Variants in OR51B5 observed in about 807,000 individuals in gnomAD.
OR51B5 encodes the protein olfactory receptor 51B5.
For missense variants in OR51B5, 456 were observed against 374.6 expected, an observed-to-expected ratio of 1.22 and a Z score of -1.79; for synonymous variants, 186 against 144.8, an observed-to-expected ratio of 1.28 and a Z score of -2.04.
intron 1 of OR51B5, chr11:5,391,018 C>T (rs182025024): frequency 1.4e-4 from 21 of 152,398 alleles, no homozygotes; most frequent in Admixed American, 1.2e-3. Context: ...CTCCTCTCAT[C>T]TCTGATTTTA....
chr11:5,471,102 CT>C (rs1289807261), intron 1 of OR51B5, among the ~76,000 whole-genome samples: 1 of 152,188 alleles, frequency 6.6e-6, no homozygotes, highest in African/African-American at 2.4e-5. Context: ...ATTTTGGCTG[CT>C]GTACATACTC....
At chr11:5,403,650 C>T in intron 1 of OR51B5, 2 of 383,700 alleles carry the variant, frequency 5.2e-6, no homozygotes, top group East Asian at 1.5e-4. Context: ...CACCTTAAAA[C>T]ATGGCGTCTA....
downstream of OR51B5, among the ~76,000 whole-genome samples, chr11:5,341,651 A>G (rs960340425): frequency 6.6e-6 from 1 of 152,172 alleles, no homozygotes. Flanking sequence ...CACTTATTAC[A>G]TGGAATCAGA....
chr11:5,379,482 T>A (rs1391313049), intron 1 of OR51B5, among the ~76,000 whole-genome samples: 3 of 141,666 alleles, frequency 2.1e-5, no homozygotes, highest in Non-Finnish European at 4.7e-5. Flanking sequence ...ATAAAATAAA[T>A]AAAAAAATAA....
At chr11:5,356,411 A>C (rs1182075684) in intron 1 of OR51B5, among the ~76,000 whole-genome samples, 3 of 151,388 alleles carry the variant, frequency 2.0e-5, no homozygotes, top group Admixed American at 6.6e-5. Context: ...TGAAGCAAGA[A>C]GAGAAGTTTA....
chr11:5,377,862 A>G (rs539984253), intron 1 of OR51B5, among the ~76,000 whole-genome samples: 2 of 152,302 alleles, frequency 1.3e-5, no homozygotes, highest in South Asian at 2.1e-4. Context: ...GGAAGAATCA[A>G]TATCATCAAA....
intron 1 of OR51B5, among the ~76,000 whole-genome samples, chr11:5,486,772 C>G (rs921229418): frequency 5.3e-5 from 8 of 152,152 alleles, no homozygotes; most frequent in African/African-American, 1.9e-4. Flanking sequence ...TTTGTTTGCT[C>G]TGTATCTTTT....
At chr11:5,469,748 G>C (rs572736025) in intron 1 of OR51B5, among the ~76,000 whole-genome samples, 15 of 152,244 alleles carry the variant, frequency 9.9e-5, no homozygotes, top group Non-Finnish European at 1.8e-4. Context: ...GGTGAAAAAT[G>C]ATTTCCCCTT....
chr11:5,441,518 G>A (rs1393348134), intron 1 of OR51B5: 9 of 1,606,894 alleles, frequency 5.6e-6, no homozygotes, highest in Non-Finnish European at 7.6e-6. Context: ...CCAGCATGGT[G>A]GGAGAATATA....
chr11:5,493,459 TAAAG>T (rs1174951577), intron 1 of OR51B5, among the ~76,000 whole-genome samples: 1 of 152,116 alleles, frequency 6.6e-6, no homozygotes, highest in African/African-American at 2.4e-5. Context: ...CTCAGATAAA[TAAAG>T]AATTATCTCA....
chr11:5,473,395 G>T (rs1442103630), intron 1 of OR51B5, among the ~76,000 whole-genome samples: 2 of 152,040 alleles, frequency 1.3e-5, no homozygotes, highest in Non-Finnish European at 2.9e-5. Flanking sequence ...GGCTTTAAGG[G>T]GTAAGAAGCT....
At chr11:5,445,220 A>G (rs1287053173) in intron 1 of OR51B5, among the ~76,000 whole-genome samples, 1 of 152,202 alleles carries the variant, frequency 6.6e-6, no homozygotes, top group African/African-American at 2.4e-5. Flanking sequence ...AGAAATGATC[A>G]AATATGTTTT....
chr11:5,352,559 G>A (rs1413321748), intron 1 of OR51B5: 10 of 670,550 alleles, frequency 1.5e-5, no homozygotes, highest in Non-Finnish European at 2.3e-5. Flanking sequence ...CAATCCCTGA[G>A]CATTTCAGTG....
intron 1 of OR51B5, chr11:5,454,362 T>C (rs748123650): frequency 1.9e-6 from 3 of 1,613,924 alleles, no homozygotes; most frequent in Admixed American, 3.3e-5. Context: ...CCCTCTCATT[T>C]ATAGCGCCAA....
chr11:5,404,504 A>C (rs1017172934), intron 1 of OR51B5, among the ~76,000 whole-genome samples: 12 of 151,588 alleles, frequency 7.9e-5, no homozygotes, highest in African/African-American at 2.9e-4. Context: ...TGTAAAATGG[A>C]CCAATCAGCA....
upstream of OR51B5, among the ~76,000 whole-genome samples, chr11:5,345,091 C>A (rs375108569): frequency 2.0e-5 from 3 of 152,276 alleles, no homozygotes; most frequent in East Asian, 3.9e-4. Flanking sequence ...AGGTAGTAAT[C>A]AAGTGTCATA....
intron 1 of OR51B5, among the ~76,000 whole-genome samples, chr11:5,457,101 C>G (rs2736576): frequency 6.6e-6 from 1 of 151,966 alleles, no homozygotes; most frequent in Non-Finnish European, 1.5e-5. Flanking sequence ...CATAGTACCC[C>G]AAAGGTAGTT....
rs1442074856 is a variant in OR51B5, at chr11:5,386,544, C to G, written n.85-39634G>C. On this transcript the variant is annotated intron_variant and non_coding_transcript_variant, in intron 1 of 4. Transcript: ENST00000415970. ...AATAAATTGGACTATCACCACAGATCTTTTACAAGTTTGAACTTTATTCTA... is the reference window on the plus strand; with the variant it reads ...AATAAATTGGACTATCACCACAGATGTTTTACAAGTTTGAACTTTATTCTA... Among the ~76,000 whole-genome samples, 4 of 152,050 alleles carry G rather than the reference C, an allele frequency of 2.6e-5. No homozygotes were observed. The East Asian group carries it at 7.7e-4, about 29-fold the overall frequency.
chr11:5,444,063 A>G (rs1474423582), intron 1 of OR51B5, among the ~76,000 whole-genome samples: 4 of 152,164 alleles, frequency 2.6e-5, no homozygotes, highest in African/African-American at 9.6e-5. Flanking sequence ...TATTTCAAAT[A>G]TTCTCTTATT....
Sources: allele counts gnomAD v4.1 joint callset (sites outside exome capture counted in the v4.1 genomes callset), GRCh38; gene constraint gnomAD v4.1.1; transcripts MANE v1.5; gene names NCBI Gene and HGNC (gene_info 2026-07-23, HGNC 2026-07-21).